The following FAM149A variants were observed in gnomAD, a reference collection of about 807,000 sequenced individuals.
The protein encoded by FAM149A is protein FAM149A.
A neutral mutation model predicts 78.2 loss-of-function variants in FAM149A; 71 were observed. That is an observed-to-expected ratio of 0.91 (90% CI 0.75 to 1.11). FAM149A has a LOEUF of 1.11. Ranked by LOEUF, FAM149A falls within the 50% of genes least tolerant of loss-of-function variation. The pLI is 0.00. For missense variants in FAM149A, 1,036 were observed against 971.0 expected, an observed-to-expected ratio of 1.07 and a Z score of -0.89; for synonymous variants, 446 against 410.5, an observed-to-expected ratio of 1.09 and a Z score of -1.04.
At chr4:186,170,434 C>T (rs189581858) in intron 13 of FAM149A, among the ~76,000 whole-genome samples, 3 of 152,342 alleles carry the variant, frequency 2.0e-5, no homozygotes, top group Admixed American at 1.3e-4. Context: ...CCTGATCACC[C>T]ATGAGCCTAC....
At chr4:186,136,976 T>TCTCTCTC (rs2099323291) in intron 1 of FAM149A, among the ~76,000 whole-genome samples, 9 of 72,114 alleles carry the variant, frequency 1.2e-4, no homozygotes, top group African/African-American at 4.3e-4. Context: ...CTCTCTCTCT[T>TCTCTCTC]TCTCTCTCTC....
At chr4:186,111,556 T>C (rs1316791719) in intron 1 of FAM149A, among the ~76,000 whole-genome samples, 1 of 152,014 alleles carries the variant, frequency 6.6e-6, no homozygotes, top group African/African-American at 2.4e-5. Flanking sequence ...TTAATCCATC[T>C]TGAATTGATT....
Position 186,105,653 on chromosome 4 carries a change from G to C in FAM149A, c.566+11G>C. ...CGGGGATGGCGAAGCGTGAGTAGCA[G>C]CGTGGTCCGGGCGCGTGTACCTTTT... On this transcript the variant is annotated intron_variant, in intron 1 of 13. Transcript: ENST00000389354. 9.4e-7 allele frequency: 1 copy of C among 1,059,006 alleles called. No homozygotes were observed. Among genetic ancestry groups the C allele is most frequent in the South Asian group, 2.5e-5 (1 of 39,880 alleles). 65.6% of individuals were successfully genotyped at this position (1,059,006 alleles called of 1,614,324 possible).
At chr4:186,128,042 G>A (rs980722849) in intron 1 of FAM149A, among the ~76,000 whole-genome samples, 1 of 131,900 alleles carries the variant, frequency 7.6e-6, no homozygotes, top group Admixed American at 8.6e-5. Context: ...CCAGGCTGGA[G>A]TGCAATGGTA....
At chr4:186,135,476 A>G (rs530228271) in intron 1 of FAM149A, among the ~76,000 whole-genome samples, 2 of 152,316 alleles carry the variant, frequency 1.3e-5, no homozygotes, top group Admixed American at 6.5e-5. Flanking sequence ...CCATAGCTGC[A>G]GAGGAAATAC....
At chr4:186,148,546 G>A (rs151199916) in intron 1 of FAM149A, among the ~76,000 whole-genome samples, 1 of 152,140 alleles carries the variant, frequency 6.6e-6, no homozygotes, top group East Asian at 1.9e-4. Context: ...ATGATTAACA[G>A]GAACTGTGCT....
At chr4:186,125,836 G>GTT (rs2099318091) in intron 1 of FAM149A, 1 of 985,418 alleles carries the variant, frequency 1.0e-6, no homozygotes, top group African/African-American at 1.7e-5. Context: ...GAAATACGAG[G>GTT]TAGGGATGAG....
intron 1 of FAM149A, among the ~76,000 whole-genome samples, chr4:186,137,970 T>C (rs934674594): frequency 1.3e-5 from 2 of 152,148 alleles, no homozygotes; most frequent in African/African-American, 4.8e-5. Context: ...AACATGATAT[T>C]GTTTTATTAG....
At chr4:186,170,315 TACCTGTAAAATGGGAATAAC>T (rs967276546) in intron 13 of FAM149A, among the ~76,000 whole-genome samples, 2 of 152,224 alleles carry the variant, frequency 1.3e-5, no homozygotes, top group Non-Finnish European at 2.9e-5. Flanking sequence ...TCAGCTTCCA[TACCTGTAAAATGGGAATAAC>T]ACCTCACTTA....
intron 6 of FAM149A, 126 bp from the exon 7 acceptor site, chr4:186,155,874 G>A (rs1734000176): frequency 3.1e-6 from 2 of 644,090 alleles, no homozygotes; most frequent in South Asian, 5.0e-5. Flanking sequence ...AAAAAAGAAC[G>A]ATGCTGTTTA....
chr4:186,139,144 G>T (rs1469844283), intron 1 of FAM149A, among the ~76,000 whole-genome samples: 1 of 152,098 alleles, frequency 6.6e-6, no homozygotes, highest in Non-Finnish European at 1.5e-5. Context: ...GCTCTTTCAG[G>T]ATGGCTCCTG....
At chr4:186,112,371 A>G (rs202073978) in intron 1 of FAM149A, among the ~76,000 whole-genome samples, 10,270 of 120,532 alleles carry the variant, frequency 0.085, 526 homozygotes, top group East Asian at 0.17. Flanking sequence ...CTCTTTTCCT[A>G]ATTGAATACC....
chr4:186,159,491 C>T (rs1209731978), intron 8 of FAM149A, among the ~76,000 whole-genome samples: 1 of 152,028 alleles, frequency 6.6e-6, no homozygotes, highest in Non-Finnish European at 1.5e-5. Context: ...AAACTGGCAA[C>T]TGCAGCATAG....
At chr4:186,161,115 G>A (rs1402455461) in intron 8 of FAM149A, among the ~76,000 whole-genome samples, 2 of 152,122 alleles carry the variant, frequency 1.3e-5, no homozygotes, top group Non-Finnish European at 2.9e-5. Context: ...TTAATTAGAT[G>A]TAATGTTTTG....
chr4:186,117,637 G>A lies in FAM149A; in HGVS notation c.566+11995G>A, dbSNP rs973128114. On this transcript the variant is annotated intron_variant, in intron 1 of 13. Transcript: ENST00000389354. ...TGGCGTGAGGCTTTCCATTTGTTAGGAGCACAGCTGTTGTGAAAAGCGTTA... is the reference window on the plus strand; with the variant it reads ...TGGCGTGAGGCTTTCCATTTGTTAGAAGCACAGCTGTTGTGAAAAGCGTTA... 6.1e-6 allele frequency: 6 copies of A among 985,302 alleles called. No homozygotes were observed. In the African/African-American group the frequency reaches 1.0e-4, roughly 17 times the overall value. 61.0% of individuals were successfully genotyped at this position (985,302 alleles called of 1,614,324 possible).
intron 8 of FAM149A, among the ~76,000 whole-genome samples, chr4:186,160,083 CACATACCACAT>C (rs1241086595): frequency 1.6e-3 from 199 of 125,366 alleles, no homozygotes; most frequent in Admixed American, 3.1e-3. Flanking sequence ...ACACACCAAA[CACATACCACAT>C]ACACACTACA....
rs114385270 is a variant in FAM149A, at chr4:186,162,497, C to T, written c.1576-348C>T. Among the ~76,000 whole-genome samples, 452 of 152,320 alleles carry T rather than the reference C, an allele frequency of 3.0e-3. 2 individuals are homozygous for T. Among genetic ancestry groups the T allele is most frequent in the Middle Eastern group, 0.01 (3 of 294 alleles). ...CAGAGCATGGGGGGAGACTGAAGCACGGCTCTGCTTCCCTGCAGCCTCCCT... is the reference window on the plus strand; with the variant it reads ...CAGAGCATGGGGGGAGACTGAAGCATGGCTCTGCTTCCCTGCAGCCTCCCT... On this transcript the variant is annotated intron_variant, in intron 8 of 13. Transcript: ENST00000389354.
At chr4:186,112,217 G>C (rs1390344672) in intron 1 of FAM149A, among the ~76,000 whole-genome samples, 1 of 151,066 alleles carries the variant, frequency 6.6e-6, no homozygotes, top group Non-Finnish European at 1.5e-5. Flanking sequence ...TGGTGTATAA[G>C]AATGCTTGTG....
At chr4:186,160,870 G>C (rs1734553603) in intron 8 of FAM149A, 1 of 985,306 alleles carries the variant, frequency 1.0e-6, no homozygotes, top group Non-Finnish European at 1.2e-6. Context: ...TACTAGTTCT[G>C]GGCTTGATGT....
Sources: gnomAD v4.1 joint callset for allele counts (sites outside exome capture counted in the v4.1 genomes callset) on GRCh38, gnomAD v4.1.1 for gene constraint, MANE v1.5 for transcripts, NCBI Gene and HGNC (gene_info 2026-07-23, HGNC 2026-07-21) for gene names.